Variants in SORCS2 observed in about 807,000 individuals in gnomAD.
SORCS2 encodes the protein sortilin related VPS10 domain containing receptor 2, also known as VPS10 domain-containing receptor SorCS2.
Under a neutral mutation model 141.6 loss-of-function variants are expected in SORCS2, and 100 were observed. The observed-to-expected ratio is 0.71, with a 90% CI of 0.60 to 0.83. The LOEUF (loss-of-function observed/expected upper bound fraction) is 0.83. SORCS2 is among the 40% of genes least tolerant of loss of function. The probability of loss-of-function intolerance (pLI) is 0.00; values close to 1 mark genes in which losing one functional copy is unlikely to be tolerated. For synonymous variants in SORCS2, 789 were observed against 676.9 expected (o/e 1.17, Z -2.57); for missense variants, 1,646 against 1,560.2 (o/e 1.05, Z -0.93).
chr4:7,268,393 C>T (rs983528577), intron 1 of SORCS2, among the ~76,000 whole-genome samples: 2 of 152,180 alleles, frequency 1.3e-5, no homozygotes, highest in African/African-American at 4.8e-5. Context: ...AGGGAGCTTC[C>T]TGTCGGCCAC....
chr4:7,475,873 C>T (rs531112345), intron 2 of SORCS2, among the ~76,000 whole-genome samples: 2 of 152,378 alleles, frequency 1.3e-5, no homozygotes, highest in African/African-American at 4.8e-5. Flanking sequence ...GAAGATACCA[C>T]TCTGAAGGAC....
chr4:7,713,344 G>A (rs989324210), intron 15 of SORCS2, among the ~76,000 whole-genome samples: 1 of 152,122 alleles, frequency 6.6e-6, no homozygotes, highest in African/African-American at 2.4e-5. Context: ...AGGCTGTGCT[G>A]CTGGCAGTGT....
At chr4:7,379,339 G>A (rs1700145216) in intron 1 of SORCS2, among the ~76,000 whole-genome samples, 1 of 152,178 alleles carries the variant, frequency 6.6e-6, no homozygotes, top group Admixed American at 6.5e-5. Context: ...GCTGCCTTGG[G>A]GAGCAAACAC....
intron 2 of SORCS2, among the ~76,000 whole-genome samples, chr4:7,404,362 G>A (rs10010609): frequency 0.15 from 23,204 of 151,948 alleles, 1,907 homozygotes; most frequent in Non-Finnish European, 0.18. Flanking sequence ...CTCTGGGTAG[G>A]TACCTAGTAG....
In SORCS2 at chr4:7,286,610, C is replaced by T. The variant is rs990533611; in HGVS notation, c.480+93484C>T. ...TCCCAGGCCAGCCCCCCGTATCTTA[C>T]GGATGGAGGACACAGGCCCAGGGAG... On this transcript the variant is annotated intron_variant, in intron 1 of 26. Transcript: ENST00000507866. The surrounding 1 kb of genome is among the most constrained non-coding windows in gnomAD (Gnocchi z 4.1). Among the ~76,000 whole-genome samples the T allele has an allele frequency of 2.6e-5, 4 of 152,216 alleles. No individual in the cohort carries two copies. Among genetic ancestry groups the T allele is most frequent in the East Asian group, 3.8e-4 (2 of 5,196 alleles).
intron 3 of SORCS2, among the ~76,000 whole-genome samples, chr4:7,622,029 C>G (rs1410004867): frequency 6.6e-6 from 1 of 152,186 alleles, no homozygotes; most frequent in East Asian, 1.9e-4. Flanking sequence ...TACTGACATT[C>G]TGGCCTCAGT....
intron 1 of SORCS2, among the ~76,000 whole-genome samples, chr4:7,369,151 T>C (rs1362836581): frequency 6.6e-6 from 1 of 151,830 alleles, no homozygotes; most frequent in East Asian, 1.9e-4. Flanking sequence ...CACTAAAAAA[T>C]ACAAAAAAAA....
chr4:7,667,753 C>T (rs985249640), intron 8 of SORCS2, among the ~76,000 whole-genome samples: 1 of 152,308 alleles, frequency 6.6e-6, no homozygotes, highest in South Asian at 2.1e-4. Flanking sequence ...CCTTAGAAGG[C>T]GAAGAAGGGG....
intron 1 of SORCS2, among the ~76,000 whole-genome samples, chr4:7,245,084 A>G (rs1291757013): frequency 6.6e-5 from 10 of 152,160 alleles, no homozygotes; most frequent in African/African-American, 2.4e-4. Flanking sequence ...GTCTCCTGGC[A>G]AACCAATGGG....
chr4:7,531,843 A>G (rs7695937), intron 3 of SORCS2, among the ~76,000 whole-genome samples: 62,964 of 152,190 alleles, frequency 0.41, 14,098 homozygotes, highest in Middle Eastern at 0.56. Flanking sequence ...GGAGGAAGGC[A>G]CCGCCTGCAT....
At chr4:7,360,738 A>G (rs1185841514) in intron 1 of SORCS2, among the ~76,000 whole-genome samples, 1 of 150,710 alleles carries the variant, frequency 6.6e-6, no homozygotes, top group African/African-American at 2.4e-5. Flanking sequence ...ACACACCACC[A>G]CACTTGGCTA....
chr4:7,623,090 A>AC (rs1428480958), intron 3 of SORCS2, among the ~76,000 whole-genome samples: 20 of 149,788 alleles, frequency 1.3e-4, no homozygotes, highest in Non-Finnish European at 1.9e-4. Flanking sequence ...AGGGACCATT[A>AC]CCCCCCCGAC....
chr4:7,199,565 C>G (rs367758724), intron 1 of SORCS2, among the ~76,000 whole-genome samples: 2 of 151,744 alleles, frequency 1.3e-5, no homozygotes, highest in East Asian at 1.9e-4. Context: ...GGCTGGGGTC[C>G]GAGGGAGGCT....
chr4:7,434,480 A>G, intron 2 of SORCS2: 1 of 1,611,846 alleles, frequency 6.2e-7, no homozygotes, highest in Non-Finnish European at 8.5e-7. Flanking sequence ...AGCGCTGTGC[A>G]CACCTGTGCC....
intron 19 of SORCS2, 89 bp downstream of exon 19, chr4:7,723,972 T>G: frequency 3.5e-6 from 5 of 1,409,320 alleles, no homozygotes; most frequent in Middle Eastern, 1.9e-4. Context: ...GCCCCCGGGA[T>G]TGCTCTAGGC....
In SORCS2 at chr4:7,433,954, A is replaced by G. The variant is rs749596701; in HGVS notation, c.548+37599A>G. The stretch of plus-strand genomic sequence containing the variant: ...GATCATGAGCTCAGAGCTGTTGGAC[A>G]TGAGCCAGTGGTCCAGCTTCTGCAC... On this transcript the variant is annotated intron_variant, in intron 2 of 26. Transcript: ENST00000507866. 10 of 1,613,738 alleles carry G rather than the reference A, an allele frequency of 6.2e-6. No individual in the cohort carries two copies. In the Admixed American group the frequency reaches 6.7e-5, roughly 11 times the overall value.
rs540899894 is a variant in SORCS2 at position 7,709,258 on chromosome 4, C to T, written c.1869-3475C>T. 1.5e-3 allele frequency among the ~76,000 whole-genome samples: 236 copies of T among 152,280 alleles called. 2 individuals are homozygous for T. The highest frequency in any genetic ancestry group is 5.5e-3 in the African/African-American group (227 of 41,548). On this transcript the variant is annotated intron_variant, in intron 14 of 26. Transcript: ENST00000507866. Reference sequence around the variant, plus strand: ...TCACACAGAGGTTGACAGCCTTCTCCGGGCCTCAGCTTACCTGGCCAAGAG... The same window carrying T: ...TCACACAGAGGTTGACAGCCTTCTCTGGGCCTCAGCTTACCTGGCCAAGAG...
intron 2 of SORCS2, among the ~76,000 whole-genome samples, chr4:7,428,085 G>T (rs1577544081): frequency 6.6e-6 from 1 of 152,204 alleles, no homozygotes; most frequent in East Asian, 1.9e-4. Context: ...TCATCTGTGG[G>T]TCCTGGGGTG....
At chr4:7,604,073 G>T (rs1200585238) in intron 3 of SORCS2, among the ~76,000 whole-genome samples, 1 of 152,132 alleles carries the variant, frequency 6.6e-6, no homozygotes, top group Non-Finnish European at 1.5e-5. Flanking sequence ...TGTCGTGTGA[G>T]GCTCTGGTGT....
Sources: allele counts gnomAD v4.1 joint callset (sites outside exome capture counted in the v4.1 genomes callset), GRCh38; gene constraint gnomAD v4.1.1; non-coding constraint Gnocchi (gnomAD v3.1); transcripts MANE v1.5; gene names NCBI Gene and HGNC (gene_info 2026-07-23, HGNC 2026-07-21).